Variants in ADAMTS17 observed in about 807,000 individuals in gnomAD.
ADAMTS17 encodes A disintegrin and metalloproteinase with thrombospondin motifs 17.
A neutral mutation model predicts 141.5 loss-of-function variants in ADAMTS17; 113 were observed. The ratio of observed to expected loss-of-function variants is 0.80; its 90% CI spans 0.69 to 0.93. ADAMTS17 has a LOEUF of 0.93. Ranked by LOEUF, ADAMTS17 falls within the 40% of genes least tolerant of loss-of-function variation. The pLI is 0.00. For synonymous variants in ADAMTS17, 768 were observed against 630.6 expected (o/e 1.22, Z -3.27); for missense variants, 1,659 against 1,517.9 (o/e 1.09, Z -1.54).
rs879112590 is a variant in ADAMTS17 at position 100,049,845 on chromosome 15, C to A, written c.2456-853G>T. 3.9e-5 allele frequency among the ~76,000 whole-genome samples: 6 copies of A among 152,240 alleles called. 1 individual carries two copies. The highest frequency in any genetic ancestry group is 3.9e-4 in the Admixed American group (6 of 15,292). ...TCCTCAAGCAGCCTGGTTTGCTTAA[C>A]TTCCCTGTGCCTCAGGGTGCCTCAG... On this transcript the variant is annotated intron_variant, in intron 17 of 21. Coordinates refer to ENST00000268070, the MANE Select transcript of ADAMTS17 (RefSeq NM_139057.4).
At chr15:100,220,985 T>A (rs4548838) in intron 7 of ADAMTS17, among the ~76,000 whole-genome samples, 1 of 151,954 alleles carries the variant, frequency 6.6e-6, no homozygotes, top group Non-Finnish European at 1.5e-5. Flanking sequence ...CACGTACAAG[T>A]TTCTGCACGG....
intron 12 of ADAMTS17, chr15:100,129,513 G>C (rs185222919): frequency 6.6e-6 from 1 of 152,446 alleles, no homozygotes; most frequent in Non-Finnish European, 1.5e-5. Context: ...GGAGGACAAG[G>C]TGGGCAGATC....
At chr15:100,144,126 T>C (rs2038786018) in intron 10 of ADAMTS17, among the ~76,000 whole-genome samples, 1 of 152,220 alleles carries the variant, frequency 6.6e-6, no homozygotes. Context: ...ATTTGTAATA[T>C]AGTAATATAT....
chr15:100,312,285 G>T (rs2045430583), intron 3 of ADAMTS17, among the ~76,000 whole-genome samples: 1 of 152,222 alleles, frequency 6.6e-6, no homozygotes, highest in South Asian at 2.1e-4. Context: ...GAGTGACGCA[G>T]TGTGAAAAAG....
intron 8 of ADAMTS17, among the ~76,000 whole-genome samples, chr15:100,156,123 T>G (rs932274143): frequency 2.0e-4 from 30 of 152,216 alleles, no homozygotes; most frequent in African/African-American, 7.2e-4. Flanking sequence ...ACTTTCCAAG[T>G]GCCAGGTAAC....
intron 3 of ADAMTS17, among the ~76,000 whole-genome samples, chr15:100,315,834 C>T (rs954358014): frequency 2.6e-5 from 4 of 152,250 alleles, no homozygotes; most frequent in African/African-American, 9.6e-5. Flanking sequence ...CCTGGCTTAT[C>T]CATTTCCAAT....
At chr15:100,171,540 T>A (rs910256829) in intron 8 of ADAMTS17, among the ~76,000 whole-genome samples, 1 of 152,190 alleles carries the variant, frequency 6.6e-6, no homozygotes, top group African/African-American at 2.4e-5. Flanking sequence ...TGCTCATGCC[T>A]TTGCCCCCAT....
At chr15:100,281,635 C>T (rs973949953) in intron 3 of ADAMTS17, among the ~76,000 whole-genome samples, 1 of 152,190 alleles carries the variant, frequency 6.6e-6, no homozygotes, top group Non-Finnish European at 1.5e-5. Flanking sequence ...GGGCCCACAC[C>T]CAACTCCCAC....
At chr15:100,319,600 A>G (rs906319235) in intron 3 of ADAMTS17, among the ~76,000 whole-genome samples, 12 of 152,136 alleles carry the variant, frequency 7.9e-5, no homozygotes, top group Admixed American at 5.9e-4. Flanking sequence ...AGTCCCGGCT[A>G]CTCGGAGGCT....
At chr15:99,984,412 A>AC (rs1201718594) in intron 20 of ADAMTS17, among the ~76,000 whole-genome samples, 1 of 152,184 alleles carries the variant, frequency 6.6e-6, no homozygotes, top group African/African-American at 2.4e-5. Flanking sequence ...CACGGAACGC[A>AC]CCATTTATGG....
At chr15:100,003,825 T>G (rs1567665980) in intron 18 of ADAMTS17, among the ~76,000 whole-genome samples, 1 of 152,042 alleles carries the variant, frequency 6.6e-6, no homozygotes, top group South Asian at 2.1e-4. Flanking sequence ...GTCAGATTTA[T>G]AGAGACAAAG....
chr15:100,244,253 A>G (rs2141912770), intron 7 of ADAMTS17, among the ~76,000 whole-genome samples: 1 of 151,596 alleles, frequency 6.6e-6, no homozygotes, highest in African/African-American at 2.4e-5. Flanking sequence ...CCCTCCCATG[A>G]CACGTGGGAA....
intron 18 of ADAMTS17, among the ~76,000 whole-genome samples, chr15:100,036,150 T>C (rs2030689427): frequency 6.6e-6 from 1 of 152,180 alleles, no homozygotes; most frequent in Non-Finnish European, 1.5e-5. Context: ...TCTTTGGGAA[T>C]GGCAGCCATG....
At chr15:100,221,199 A>T (rs1167916056) in intron 7 of ADAMTS17, among the ~76,000 whole-genome samples, 2 of 152,180 alleles carry the variant, frequency 1.3e-5, no homozygotes, top group Non-Finnish European at 1.5e-5. Context: ...TCAATTAAAT[A>T]ACACAATTAG....
chr15:100,175,574 C>T (rs1231452981), intron 8 of ADAMTS17, among the ~76,000 whole-genome samples: 1 of 152,094 alleles, frequency 6.6e-6, no homozygotes, highest in Non-Finnish European at 1.5e-5. Context: ...AAGGAATGCA[C>T]CCCAGGGCGT....
At chr15:100,202,773 T>C (rs892028259) in intron 7 of ADAMTS17, among the ~76,000 whole-genome samples, 3 of 152,156 alleles carry the variant, frequency 2.0e-5, no homozygotes, top group African/African-American at 7.2e-5. Flanking sequence ...TGTCAAGAAA[T>C]GAGGAAAAAC....
intron 2 of ADAMTS17, among the ~76,000 whole-genome samples, chr15:100,333,350 T>C (rs1352233900): frequency 6.6e-6 from 1 of 152,184 alleles, no homozygotes; most frequent in African/African-American, 2.4e-5. Context: ...GCCCCCTGGC[T>C]CAGGGCTTCT....
At position 100,201,246 on chromosome 15, in the gene ADAMTS17, G is replaced by T. The variant is rs531600378; in HGVS notation, c.1076-1823C>A. On this transcript the variant is annotated intron_variant, in intron 7 of 21. Coordinates refer to ENST00000268070, the MANE Select transcript of ADAMTS17 (RefSeq NM_139057.4). ...CGGGTGGGAAGTGATTGGATCATGG[G>T]AACAGTTTCCCCCACGCCGTTCTTG... is the stretch of plus-strand genomic sequence containing the variant. 2.0e-5 allele frequency among the ~76,000 whole-genome samples: 3 copies of T among 152,266 alleles called. No individual in the cohort carries two copies. In the East Asian group the frequency reaches 5.8e-4, roughly 29 times the overall value.
chr15:100,182,058 C>T lies in ADAMTS17; in HGVS notation c.1181+17260G>A, dbSNP rs370005596. Among the ~76,000 whole-genome samples the T allele has an allele frequency of 3.9e-4, 59 of 152,290 alleles. No homozygotes were observed. The South Asian group carries it at 4.1e-3, about 11-fold the overall frequency. ...CCATGGGTGTCAGCTGAGCTCAGCCCGGTTTTGCTTTCCACTGTGCATTAG... is the reference window on the plus strand; with the variant it reads ...CCATGGGTGTCAGCTGAGCTCAGCCTGGTTTTGCTTTCCACTGTGCATTAG... On this transcript the variant is annotated intron_variant, in intron 8 of 21. Transcript: ENST00000268070.
Sources: gnomAD v4.1 joint callset for allele counts (sites outside exome capture counted in the v4.1 genomes callset) on GRCh38, gnomAD v4.1.1 for gene constraint, MANE v1.5 for transcripts, NCBI Gene and HGNC (gene_info 2026-07-23, HGNC 2026-07-21) for gene names.